Variants in UBN2 observed in about 807,000 individuals in gnomAD.
The protein encoded by UBN2 is ubinuclein 2, also known as ubinuclein-2.
In UBN2, 35 loss-of-function variants were observed where a neutral mutation model predicts 120.2. That is an observed-to-expected ratio of 0.29 (90% CI 0.22 to 0.39). UBN2 has a LOEUF of 0.39. UBN2 is among the 10% of genes least tolerant of loss of function. UBN2 has a pLI of 1.00. For synonymous variants in UBN2, 661 were observed against 648.7 expected (o/e 1.02, Z -0.29); for missense variants, 1,693 against 1,663.2 (o/e 1.02, Z -0.31).
At chr7:139,318,828 G>A in the UBN2 span, among the ~76,000 whole-genome samples, 2 of 152,112 alleles carry the variant, frequency 1.3e-5, no homozygotes, top group African/African-American at 4.8e-5. Flanking sequence ...CTCGAAGTTA[G>A]GATGGATTTC....
the UBN2 span, among the ~76,000 whole-genome samples, chr7:139,321,366 G>A: frequency 3.3e-5 from 5 of 152,266 alleles, no homozygotes; most frequent in Non-Finnish European, 7.3e-5. Context: ...AAATAAGGGA[G>A]CACTTCAAGA....
intron 2 of UBN2, among the ~76,000 whole-genome samples, chr7:139,248,063 C>G (rs1161377691): frequency 6.6e-6 from 1 of 152,082 alleles, no homozygotes; most frequent in African/African-American, 2.4e-5. Context: ...TTTAATAGAT[C>G]ATCTTGTTTT....
In UBN2 at chr7:139,293,296, C is replaced by T; in HGVS notation, c.3734C>T (p.Ser1245Phe). The change falls in exon 16 of 18, where the codon TCT (serine) becomes TTT (phenylalanine). Residue 1245 changes from serine to phenylalanine, a missense_variant. Ser to Phe is a radical substitution (Grantham distance 155). Coordinates refer to ENST00000473989, the MANE Select transcript of UBN2 (RefSeq NM_173569.4). Reference sequence around the variant, plus strand: ...CTGACTCTCATGACATCACCTTTGTCTGTAACAAATCAAAATGTGACTCCT... The same window carrying T: ...CTGACTCTCATGACATCACCTTTGTTTGTAACAAATCAAAATGTGACTCCT... ...SPLTLMTSPL[S>F]VTNQNVTPFG... 6.2e-7 allele frequency: 1 copy of T among 1,614,198 alleles called. No individual in the cohort carries two copies. Among genetic ancestry groups the T allele is most frequent in the African/African-American group, 1.3e-5 (1 of 75,048 alleles).
chr7:139,261,802 G>C, intron 6 of UBN2, 61 bp downstream of exon 6: 1 of 1,509,424 alleles, frequency 6.6e-7, no homozygotes, highest in Non-Finnish European at 8.9e-7. Flanking sequence ...TAATGCTTTT[G>C]TTCGTTTGTT....
At chr7:139,277,552 T>C (rs926860933) in intron 12 of UBN2, 8 of 152,254 alleles carry the variant, frequency 5.3e-5, no homozygotes, top group Admixed American at 4.6e-4. Context: ...AAGGTCTTCA[T>C]CCTCAGGGGT....
At chr7:139,321,218 TG>T in the UBN2 span, among the ~76,000 whole-genome samples, 2 of 152,156 alleles carry the variant, frequency 1.3e-5, no homozygotes, top group African/African-American at 4.8e-5. Context: ...AGCTCCACAT[TG>T]GGAAGGATTA....
chr7:139,299,060 A>T lies in UBN2; in HGVS notation c.*1224A>T, dbSNP rs551362450. 1 of 152,210 alleles carries T rather than the reference A, an allele frequency of 6.6e-6. No homozygotes were observed. The highest frequency in any genetic ancestry group is 1.5e-5 in the Non-Finnish European group (1 of 68,016). 9.4% of individuals were successfully genotyped at this position (152,210 alleles called of 1,614,324 possible). On this transcript the variant is annotated 3_prime_UTR_variant, in exon 18 of 18. Transcript: ENST00000473989. The stretch of plus-strand genomic sequence containing the variant: ...TTCACTATTTACTCAGTGTATTGGT[A>T]TGTGAGTAAATCTGCAGAAAATAAG...
the UBN2 span, among the ~76,000 whole-genome samples, chr7:139,314,602 C>T: frequency 6.6e-6 from 1 of 152,064 alleles, no homozygotes. Context: ...TGTCCTGCCT[C>T]AGCCTCCCAA....
chr7:139,269,476 A>G lies in UBN2; in HGVS notation c.1549A>G (p.Lys517Glu). 6.2e-7 allele frequency: 1 copy of G among 1,614,200 alleles called. No individual in the cohort carries two copies. The highest frequency in any genetic ancestry group is 8.5e-7 in the Non-Finnish European group (1 of 1,180,034). The stretch of plus-strand genomic sequence containing the variant: ...CCTTGAAGCTTTTGTGCCATGCAAT[A>G]AAGAAACACTAGTAAAACGTCTGAA... The part of the protein sequence containing the change: ...SHLEAFVPCN[K>E]ETLVKRLKKL... Residue 517 changes from lysine (K) to glutamate (E), a missense_variant, in exon 8 of 18, where the codon AAA becomes GAA. Lys to Glu is a moderately conservative substitution (Grantham distance 56). Transcript: ENST00000473989.
At chr7:139,241,009 CT>C (rs1348164770) in intron 2 of UBN2, among the ~76,000 whole-genome samples, 1 of 152,194 alleles carries the variant, frequency 6.6e-6, no homozygotes, top group Admixed American at 6.5e-5. Flanking sequence ...CCATGCCTCT[CT>C]TTATTCCCAG....
At position 139,283,795 on chromosome 7, in the gene UBN2, C is replaced by A. The variant is rs1243369569; in HGVS notation, c.2890C>A (p.Leu964Ile). ...CGTGAAGTTAAGTAATAATCCCCAACTCTCCTGTTCCTCCTCACTTATTAA... is the reference window on the plus strand; with the variant it reads ...CGTGAAGTTAAGTAATAATCCCCAAATCTCCTGTTCCTCCTCACTTATTAA... ...PVVKLSNNPQ[L>I]SCSSSLIKTS... Residue 964 changes from leucine to isoleucine, a missense_variant, in exon 15 of 18, where the codon CTC becomes ATC. Leu to Ile is a conservative substitution (Grantham distance 5). This residue lies in a region of UBN2 where 837 missense variants were observed against 817.6 expected (regional missense o/e 1.02). Coordinates refer to ENST00000473989, the MANE Select transcript of UBN2 (RefSeq NM_173569.4). 1 of 1,613,908 alleles carries A rather than the reference C, an allele frequency of 6.2e-7. No homozygotes were observed. Among genetic ancestry groups the A allele is most frequent in the South Asian group, 1.1e-5 (1 of 91,090 alleles).
chr7:139,326,389 G>A, the UBN2 span, among the ~76,000 whole-genome samples: 1 of 152,176 alleles, frequency 6.6e-6, no homozygotes, highest in Non-Finnish European at 1.5e-5. Context: ...ATCACCTTCT[G>A]AGGAAGGACC....
the UBN2 span, among the ~76,000 whole-genome samples, chr7:139,320,508 A>T: frequency 6.6e-6 from 1 of 152,072 alleles, no homozygotes; most frequent in Non-Finnish European, 1.5e-5. Flanking sequence ...GCCTATATTG[A>T]CAGAGATTTA....
rs1028936861 is a variant in UBN2, at chr7:139,301,590, T to C, written c.*3754T>C. On this transcript the variant is annotated 3_prime_UTR_variant, in exon 18 of 18. Transcript: ENST00000473989. ...ATGTTTTGTCCTCTAGTTTGACTCATGTATAGAATTAGGATACTTTATTTT... is the reference window on the plus strand; with the variant it reads ...ATGTTTTGTCCTCTAGTTTGACTCACGTATAGAATTAGGATACTTTATTTT... 2.6e-5 allele frequency: 4 copies of C among 152,244 alleles called. No individual in the cohort carries two copies. Among genetic ancestry groups the C allele is most frequent in the African/African-American group, 9.6e-5 (4 of 41,466 alleles). The allele number at this position is 152,244 out of a possible 1,614,324, so 9.4% of individuals were successfully genotyped here. A position where few individuals can be genotyped will look rare whatever the true frequency, so the allele number is the denominator to read the frequency against.
chr7:139,328,528 G>A, the UBN2 span, among the ~76,000 whole-genome samples: 1 of 152,170 alleles, frequency 6.6e-6, no homozygotes, highest in African/African-American at 2.4e-5. Flanking sequence ...AGCTGCTAGA[G>A]TGAGAAGTCC....
At chr7:139,310,308 TAA>T (rs35212118), downstream of UBN2, among the ~76,000 whole-genome samples, 4 of 123,860 alleles carry the variant, frequency 3.2e-5, no homozygotes, top group African/African-American at 4.3e-5. Context: ...CCTGTGTCTT[TAA>T]AAAAAAAAAA....
intron 2 of UBN2, among the ~76,000 whole-genome samples, chr7:139,244,990 G>A (rs1022858399): frequency 1.3e-5 from 2 of 151,642 alleles, no homozygotes; most frequent in African/African-American, 2.4e-5. Flanking sequence ...CTGGAGTGCC[G>A]TGATGTGATC....
At chr7:139,326,302 T>A in the UBN2 span, among the ~76,000 whole-genome samples, 3 of 152,152 alleles carry the variant, frequency 2.0e-5, no homozygotes, top group South Asian at 6.2e-4. Flanking sequence ...AAATGGGCAT[T>A]GCCCCATTCA....
intron 15 of UBN2, among the ~76,000 whole-genome samples, chr7:139,288,305 G>A (rs1277565574): frequency 6.6e-6 from 1 of 152,166 alleles, no homozygotes; most frequent in Admixed American, 6.5e-5. Flanking sequence ...TGCTGCTAAC[G>A]TAAAAAAGGT....
Sources: allele counts gnomAD v4.1 joint callset (sites outside exome capture counted in the v4.1 genomes callset), GRCh38; gene constraint gnomAD v4.1.1; regional missense constraint gnomAD v4.1.1; transcripts MANE v1.5; gene names NCBI Gene and HGNC (gene_info 2026-07-23, HGNC 2026-07-21).